The following CSMD2 variants were observed in gnomAD, a reference collection of about 807,000 sequenced individuals.
CSMD2 encodes CUB and sushi domain-containing protein 2.
Under a neutral mutation model 398.5 loss-of-function variants are expected in CSMD2, and 130 were observed. The ratio of observed to expected loss-of-function variants is 0.33; its 90% CI spans 0.28 to 0.38. CSMD2 has a LOEUF of 0.38. Ranked by LOEUF, CSMD2 falls within the 10% of genes least tolerant of loss-of-function variation. The pLI is 1.00. For synonymous variants in CSMD2, 1,828 were observed against 1,908.5 expected, an observed-to-expected ratio of 0.96 and a Z score of 1.10; for missense variants, 3,829 against 4,764.9, an observed-to-expected ratio of 0.80 and a Z score of 5.78.
chr1:34,012,901 A>AG (rs977730215), intron 3 of CSMD2, among the ~76,000 whole-genome samples: 2 of 152,182 alleles, frequency 1.3e-5, no homozygotes, highest in African/African-American at 4.8e-5. Context: ...CTGGGCACAA[A>AG]GGGGATACAT....
intron 3 of CSMD2, among the ~76,000 whole-genome samples, chr1:33,963,550 C>A (rs1040867182): frequency 1.4e-4 from 22 of 152,200 alleles, no homozygotes; most frequent in Non-Finnish European, 3.1e-4. Context: ...CCACCCCATG[C>A]AGTCCCTTTC....
chr1:33,606,592 C>T (rs372787773), intron 41 of CSMD2, among the ~76,000 whole-genome samples: 12 of 152,272 alleles, frequency 7.9e-5, no homozygotes, highest in Non-Finnish European at 1.3e-4. Context: ...GGGTTTGGGC[C>T]GTTTGGCAAC....
chr1:33,894,862 A>G (rs1023084734), intron 5 of CSMD2, among the ~76,000 whole-genome samples: 1 of 152,068 alleles, frequency 6.6e-6, no homozygotes, highest in Non-Finnish European at 1.5e-5. Flanking sequence ...CTGGGTCCCC[A>G]TCTCCTGCAG....
intron 25 of CSMD2, among the ~76,000 whole-genome samples, chr1:33,684,917 G>T (rs1485828541): frequency 6.6e-6 from 1 of 152,322 alleles, no homozygotes; most frequent in Non-Finnish European, 1.5e-5. Context: ...AGAAACTGTG[G>T]GTTGGATGAT....
At chr1:33,979,192 C>T (rs1646075795) in intron 3 of CSMD2, among the ~76,000 whole-genome samples, 2 of 152,176 alleles carry the variant, frequency 1.3e-5, no homozygotes, top group South Asian at 4.1e-4. Flanking sequence ...ATGCCAGATC[C>T]CCTGCCAGTG....
At chr1:33,817,360 G>C (rs1262441736) in intron 9 of CSMD2, among the ~76,000 whole-genome samples, 5 of 152,190 alleles carry the variant, frequency 3.3e-5, no homozygotes, top group African/African-American at 9.7e-5. Context: ...TCACTTTCTA[G>C]AAAATGCCTT....
intron 3 of CSMD2, among the ~76,000 whole-genome samples, chr1:33,985,482 G>A (rs1646327459): frequency 6.6e-6 from 1 of 152,172 alleles, no homozygotes; most frequent in South Asian, 2.1e-4. Context: ...AGGTGGAAGT[G>A]GTCCATCTGT....
rs370469684 is a variant in CSMD2 at position 33,662,881 on chromosome 1, C to T, written c.4255+9G>A. ...TGTGGAGTGGGGCTGGCAGAGGGCA[C>T]GCACAGACCTGAAAATTGAATGGCA... On this transcript the variant is annotated intron_variant, in intron 26 of 70. Coordinates refer to ENST00000373381, the MANE Select transcript of CSMD2 (RefSeq NM_001281956.2). 48 of 1,613,722 alleles carry T rather than the reference C, an allele frequency of 3.0e-5. No individual in the cohort carries two copies. The Middle Eastern group carries it at 1.2e-3, about 39-fold the overall frequency.
chr1:33,888,564 G>C (rs996864386), intron 5 of CSMD2, among the ~76,000 whole-genome samples: 5 of 152,110 alleles, frequency 3.3e-5, no homozygotes, highest in African/African-American at 1.2e-4. Context: ...AATAAAGCTA[G>C]ATCTATAGCT....
intron 21 of CSMD2, among the ~76,000 whole-genome samples, chr1:33,712,078 G>C (rs192347250): frequency 6.6e-6 from 1 of 152,346 alleles, no homozygotes; most frequent in East Asian, 1.9e-4. Context: ...GGTAAGTGCT[G>C]TGGCTGATTC....
At chr1:34,078,044 G>A (rs187095516) in intron 2 of CSMD2, among the ~76,000 whole-genome samples, 12 of 151,988 alleles carry the variant, frequency 7.9e-5, no homozygotes, top group Admixed American at 6.6e-4. Flanking sequence ...TGTGTTGCCC[G>A]TGCTAGTCTT....
At chr1:33,976,750 T>C (rs972717296) in intron 3 of CSMD2, among the ~76,000 whole-genome samples, 1 of 152,172 alleles carries the variant, frequency 6.6e-6, no homozygotes, top group Non-Finnish European at 1.5e-5. Context: ...AACTCTGAAC[T>C]GCTCTGACCC....
Position 33,633,447 on chromosome 1 carries a change from G to T in CSMD2, c.5175C>A (p.Leu1725=). 6.4e-7 allele frequency: 1 copy of T among 1,553,470 alleles called. No individual in the cohort carries two copies. The highest frequency in any genetic ancestry group is 8.7e-7 in the Non-Finnish European group (1 of 1,148,082). ...HDGHSQHSRL[L]SSLSGSHTGE... The stretch of plus-strand genomic sequence containing the variant: ...CTGTATGGGAGCCCGAGAGGGAGCT[G>T]AGGAGCCGCGAGTGCTGGCTGTGGC... The change falls in exon 32 of 71, where the codon CTC becomes CTA. Residue 1725 remains leucine, a synonymous_variant. Transcript: ENST00000373381. The surrounding 1 kb of genome is among the most constrained non-coding windows in gnomAD (Gnocchi z 5.0).
intron 21 of CSMD2, among the ~76,000 whole-genome samples, chr1:33,713,684 T>C (rs1434836233): frequency 6.6e-6 from 1 of 152,058 alleles, no homozygotes; most frequent in East Asian, 1.9e-4. Context: ...CCTCCACATC[T>C]CCTGTTCTCC....
chr1:33,809,031 C>T (rs188751741), intron 10 of CSMD2, among the ~76,000 whole-genome samples: 7 of 151,050 alleles, frequency 4.6e-5, no homozygotes, highest in African/African-American at 7.3e-5. Flanking sequence ...TGTATTAAGT[C>T]TATAGTCTAA....
intron 5 of CSMD2, chr1:33,864,371 T>G: frequency 1.2e-6 from 2 of 1,614,056 alleles, no homozygotes; most frequent in Non-Finnish European, 1.7e-6. Context: ...AGGCCAAATA[T>G]GAAGCCCTGG....
intron 3 of CSMD2, among the ~76,000 whole-genome samples, chr1:34,018,140 A>T (rs1275072672): frequency 6.6e-6 from 1 of 152,220 alleles, no homozygotes. Flanking sequence ...CATGTTTGTA[A>T]TAAATATGAA....
intron 45 of CSMD2, 62 bp from the exon 46 acceptor site, chr1:33,586,679 C>T: frequency 1.9e-6 from 2 of 1,033,746 alleles, no homozygotes; most frequent in Non-Finnish European, 3.1e-6. Flanking sequence ...TACCTTGAAC[C>T]CACTTCCAGG....
chr1:33,887,375 T>C (rs1046733833), intron 5 of CSMD2, among the ~76,000 whole-genome samples: 2 of 152,150 alleles, frequency 1.3e-5, no homozygotes, highest in African/African-American at 4.8e-5. Context: ...ACTTAATGAA[T>C]ATTTTGAGGT....
Sources: gnomAD v4.1 joint callset for allele counts (sites outside exome capture counted in the v4.1 genomes callset) on GRCh38, gnomAD v4.1.1 for gene constraint, Gnocchi (gnomAD v3.1) non-coding constraint, MANE v1.5 for transcripts, NCBI Gene and HGNC (gene_info 2026-07-23, HGNC 2026-07-21) for gene names.